Variants in CPT1A observed in about 807,000 individuals in gnomAD.
CPT1A encodes the protein carnitine O-palmitoyltransferase 1, liver isoform.
CPT1A carries 64 observed loss-of-function variants against 100.8 expected under a neutral mutation model. The ratio of observed to expected loss-of-function variants is 0.63; its 90% CI spans 0.52 to 0.78. CPT1A has a LOEUF of 0.78. CPT1A is among the 30% of genes least tolerant of loss of function. The probability of loss-of-function intolerance (pLI) is 0.00; values close to 1 mark genes in which losing one functional copy is unlikely to be tolerated. For missense variants in CPT1A, 802 were observed against 1,034.1 expected (o/e 0.78, Z 3.08); for synonymous variants, 363 against 396.0 (o/e 0.92, Z 0.99).
intron 18 of CPT1A, 114 bp downstream of exon 18, chr11:68,759,455 G>T: frequency 1.3e-6 from 1 of 776,890 alleles, no homozygotes; most frequent in Non-Finnish European, 2.2e-6. Flanking sequence ...CCGAAATCAA[G>T]TAAAAGCAGG....
At chr11:68,762,554 G>A in intron 15 of CPT1A, 73 bp downstream of exon 15, 1 of 1,583,424 alleles carries the variant, frequency 6.3e-7, no homozygotes, top group Non-Finnish European at 8.6e-7. Context: ...AGAGAAGCTG[G>A]AGTGATGGCC....
chr11:68,803,842 GA>G lies in CPT1A; in HGVS notation c.555+157del, dbSNP rs11311322. ...CCTAAGATGCAGCAGTGATGCATTGGAGAAAAAAAAAAAAAAGAGTTCCTAT... is the reference window on the plus strand; with the variant it reads ...CCTAAGATGCAGCAGTGATGCATTGGGAAAAAAAAAAAAAAGAGTTCCTAT... On this transcript the variant is annotated intron_variant, in intron 5 of 18. Transcript: ENST00000265641. Among the ~76,000 whole-genome samples the G allele has an allele frequency of 7.5e-3, 930 of 123,982 alleles. 12 individuals carry two copies. Among genetic ancestry groups the G allele is most frequent in the African/African-American group, 0.042 (886 of 21,170 alleles). 81.3% of individuals were successfully genotyped at this position (123,982 alleles called of 152,430 possible). A position where few individuals can be genotyped will look rare whatever the true frequency, so the allele number is the denominator to read the frequency against.
upstream of CPT1A, among the ~76,000 whole-genome samples, chr11:68,842,819 G>T (rs1857187318): frequency 6.6e-6 from 1 of 152,034 alleles, no homozygotes; most frequent in South Asian, 2.1e-4. Context: ...GAGGGAGAGG[G>T]GCCCCAAGCG....
intron 14 of CPT1A, 142 bp downstream of exon 14, chr11:68,773,123 C>T (rs1855037549): frequency 2.0e-6 from 3 of 1,471,882 alleles, no homozygotes; most frequent in Non-Finnish European, 9.0e-7. Context: ...CGCCACCCGG[C>T]CCCCGGAGAC....
At chr11:68,820,369 C>T (rs1225709499) in intron 1 of CPT1A, among the ~76,000 whole-genome samples, 2 of 151,826 alleles carry the variant, frequency 1.3e-5, no homozygotes, top group African/African-American at 4.8e-5. Context: ...CATGGTCAAC[C>T]ACCATCTGAA....
intron 15 of CPT1A, among the ~76,000 whole-genome samples, chr11:68,762,322 A>G (rs1298789912): frequency 6.6e-6 from 1 of 152,246 alleles, no homozygotes; most frequent in African/African-American, 2.4e-5. Flanking sequence ...GTTCCAAAGC[A>G]GCCACCTGCT....
chr11:68,811,241 A>T (rs1856196328), intron 3 of CPT1A, among the ~76,000 whole-genome samples: 1 of 152,088 alleles, frequency 6.6e-6, no homozygotes, highest in Non-Finnish European at 1.5e-5. Context: ...ACCTCAGGTG[A>T]TCGACCCACC....
At chr11:68,757,758 C>T (rs376658158) in intron 18 of CPT1A, 28 bp from the exon 19 acceptor site, 148 of 1,600,424 alleles carry the variant, frequency 9.2e-5, no homozygotes, top group Non-Finnish European at 1.2e-4. Flanking sequence ...AAACCAAAAA[C>T]CTATTAAAAC....
At chr11:68,800,951 C>A (rs1855890752) in intron 5 of CPT1A, among the ~76,000 whole-genome samples, 1 of 151,932 alleles carries the variant, frequency 6.6e-6, no homozygotes, top group East Asian at 1.9e-4. Flanking sequence ...CCTGTCTCTA[C>A]AAGAAAGTAT....
intron 3 of CPT1A, among the ~76,000 whole-genome samples, chr11:68,808,864 G>A (rs939375873): frequency 6.6e-6 from 1 of 151,494 alleles, no homozygotes; most frequent in Non-Finnish European, 1.5e-5. Context: ...CCAGCACTTT[G>A]GGAGGCTGAG....
intron 12 of CPT1A, among the ~76,000 whole-genome samples, chr11:68,780,435 C>T (rs1855274088): frequency 6.6e-6 from 1 of 152,182 alleles, no homozygotes; most frequent in Admixed American, 6.5e-5. Context: ...AGGCATGCAC[C>T]ACCATGCCCG....
rs1046804 is a variant in CPT1A, at chr11:68,773,303, C to A, written c.1702G>T (p.Ala568Ser). Residue 568 changes from alanine to serine, a missense_variant, in exon 14 of 19, where the codon GCC becomes TCC. This residue lies in a region of CPT1A where 627 missense variants were observed against 799.3 expected (regional missense o/e 0.78). Coordinates refer to ENST00000265641, the MANE Select transcript of CPT1A (RefSeq NM_001876.4). ...IIKKCRTSPD[A>S]FVQLALQLAH... ...AGCTGGAGGGCCAGCTGCACAAAGG[C>A]GTCTGGGCTCGTGCGACATTTCTTG... 1.4e-4 allele frequency: 232 copies of A among 1,614,028 alleles called. No homozygotes were observed. Among genetic ancestry groups the A allele is most frequent in the Non-Finnish European group, 1.9e-4 (225 of 1,180,036 alleles).
chr11:68,767,481 TG>T (rs1293251765), intron 14 of CPT1A, among the ~76,000 whole-genome samples: 4 of 152,042 alleles, frequency 2.6e-5, no homozygotes, highest in African/African-American at 9.7e-5. Flanking sequence ...CCCAGCTACC[TG>T]GGAGACTGAG....
chr11:68,833,007 A>G (rs1426560411), intron 1 of CPT1A, among the ~76,000 whole-genome samples: 4 of 152,176 alleles, frequency 2.6e-5, no homozygotes, highest in Non-Finnish European at 5.9e-5. Context: ...CATCTACAAC[A>G]CATTCTTGGA....
chr11:68,834,423 G>A (rs1283429907), intron 1 of CPT1A, among the ~76,000 whole-genome samples: 5 of 152,082 alleles, frequency 3.3e-5, no homozygotes, highest in Admixed American at 2.0e-4. Flanking sequence ...GTGACAGAGG[G>A]AGACTTCGTC....
At chr11:68,804,987 G>A (rs550334892) in intron 4 of CPT1A, among the ~76,000 whole-genome samples, 1 of 152,202 alleles carries the variant, frequency 6.6e-6, no homozygotes, top group African/African-American at 2.4e-5. Context: ...TGGTACTGCA[G>A]GGCATTGGGA....
chr11:68,804,111 G>A lies in CPT1A; in HGVS notation c.454-10C>T, dbSNP rs748910520. On this transcript the variant is annotated splice_polypyrimidine_tract_variant and intron_variant, in intron 4 of 18. Coordinates refer to ENST00000265641, the MANE Select transcript of CPT1A (RefSeq NM_001876.4). ...AGATCTTGACCATACCCTGAAGAGAGAGAATTATATTTTCAGACTACTGCC... is the reference window on the plus strand; with the variant it reads ...AGATCTTGACCATACCCTGAAGAGAAAGAATTATATTTTCAGACTACTGCC... The A allele has an allele frequency of 8.7e-6, 14 of 1,602,456 alleles. No homozygotes were observed. The African/African-American group carries it at 1.6e-4, about 18-fold the overall frequency.
intron 9 of CPT1A, among the ~76,000 whole-genome samples, chr11:68,788,190 A>G (rs904715199): frequency 2.0e-5 from 3 of 152,202 alleles, no homozygotes; most frequent in Non-Finnish European, 4.4e-5. Flanking sequence ...CAACACCTTG[A>G]AAATATTCTT....
At chr11:68,816,893 GGT>G (rs1269156598) in intron 1 of CPT1A, among the ~76,000 whole-genome samples, 5 of 100,142 alleles carry the variant, frequency 5.0e-5, no homozygotes, top group South Asian at 4.2e-4. Context: ...ATGTGTGTGT[GGT>G]GTGTGTGGGT....
Sources: gnomAD v4.1 joint callset for allele counts (sites outside exome capture counted in the v4.1 genomes callset) on GRCh38, gnomAD v4.1.1 for gene constraint, gnomAD v4.1.1 regional missense constraint, MANE v1.5 for transcripts, NCBI Gene and HGNC (gene_info 2026-07-23, HGNC 2026-07-21) for gene names.